FKBP8: variants seen among roughly 807,000 people sequenced by gnomAD.
FKBP8 encodes peptidyl-prolyl cis-trans isomerase FKBP8.
FKBP8 carries 5 observed loss-of-function variants against 41.7 expected under a neutral mutation model. The ratio of observed to expected loss-of-function variants is 0.12; its 90% CI spans 0.06 to 0.25. The LOEUF (loss-of-function observed/expected upper bound fraction) is 0.25, where lower values mean the gene tolerates loss of function less well. Among genes scored for constraint, FKBP8 ranks in the 10% least tolerant of loss-of-function variants. FKBP8 has a pLI of 1.00. For missense variants in FKBP8, 397 were observed against 563.0 expected (o/e 0.71, Z 2.98); for synonymous variants, 279 against 254.5 (o/e 1.10, Z -0.92).
chr19:18,540,569 A>G (rs1407080651), intron 2 of FKBP8, among the ~76,000 whole-genome samples: 2 of 152,158 alleles, frequency 1.3e-5, no homozygotes, highest in Non-Finnish European at 2.9e-5. Context: ...CCCTGTCTCC[A>G]CTAAAAATAC....
At position 18,533,041 on chromosome 19, in the gene FKBP8, G is replaced by C. The variant is rs1479723343; in HGVS notation, c.1023+229C>G. 8.5e-6 allele frequency: 6 copies of C among 707,320 alleles called. No individual in the cohort carries two copies. The African/African-American group carries it at 1.1e-4, about 13-fold the overall frequency. The allele number at this position is 707,320 out of a possible 1,614,324, so 43.8% of individuals were successfully genotyped here. ...TCTGGAAGGAAGGCCAAGGACACTG[G>C]CATGGAGCAGGCTGGCAGTGCCCTC... On this transcript the variant is annotated intron_variant, in intron 7 of 8. Coordinates refer to ENST00000608443, the MANE Select transcript of FKBP8 (RefSeq NM_012181.5).
chr19:18,535,026 C>A (rs1192480492), intron 6 of FKBP8, among the ~76,000 whole-genome samples: 1 of 152,056 alleles, frequency 6.6e-6, no homozygotes, highest in Non-Finnish European at 1.5e-5. Flanking sequence ...CTCAAGTGAT[C>A]CACCTGCCTC....
At chr19:18,540,753 T>A (rs532421375) in intron 2 of FKBP8, among the ~76,000 whole-genome samples, 1 of 152,082 alleles carries the variant, frequency 6.6e-6, no homozygotes, top group South Asian at 2.1e-4. Context: ...GCACCTGTAG[T>A]CCCAGCTACT....
At chr19:18,542,747 G>A in intron 1 of FKBP8, 2 of 444,616 alleles carry the variant, frequency 4.5e-6, no homozygotes, top group Non-Finnish European at 8.1e-6. Flanking sequence ...AGTGGTCGAG[G>A]TCCCACCACA....
chr19:18,537,646 C>A lies in FKBP8; in HGVS notation c.900G>T (p.Leu300=). ...CCTTGATGTTGTCTGGCTGGTGCTCCAGCACAAGGCTGCAGGAGCGCAGGG... is the reference window on the plus strand; with the variant it reads ...CCTTGATGTTGTCTGGCTGGTGCTCAAGCACAAGGCTGCAGGAGCGCAGGG... The part of the protein sequence containing the change: ...RAALRSCSLV[L]EHQPDNIKAL... Residue 300 remains leucine, a synonymous_variant, in exon 6 of 9, where the codon CTG becomes CTT. Coordinates refer to ENST00000608443, the MANE Select transcript of FKBP8 (RefSeq NM_012181.5). This position sits in a 1 kb window ranked among gnomAD's most constrained non-coding sequence, Gnocchi z 4.4. 1 of 1,611,608 alleles carries A rather than the reference C, an allele frequency of 6.2e-7. No individual in the cohort carries two copies.
Position 18,532,004 on chromosome 19 carries a change from C to T in FKBP8, c.*165G>A. 1 of 641,646 alleles carries T rather than the reference C, an allele frequency of 1.6e-6. No individual in the cohort carries two copies. Among genetic ancestry groups the T allele is most frequent in the South Asian group, 1.8e-5 (1 of 54,514 alleles). 39.7% of individuals were successfully genotyped at this position (641,646 alleles called of 1,614,324 possible). On this transcript the variant is annotated 3_prime_UTR_variant, in exon 9 of 9. Coordinates refer to ENST00000608443, the MANE Select transcript of FKBP8 (RefSeq NM_012181.5). ...CCCTCTGGGCTTTCCTCCTAGAGGG[C>T]CTCAGTCCCTCCTGCTGGCTGGGCT...
Position 18,537,871 on chromosome 19 carries a change from C to A in FKBP8, c.773-98G>T, listed in dbSNP as rs1976614870. On this transcript the variant is annotated intron_variant, in intron 5 of 8. Coordinates refer to ENST00000608443, the MANE Select transcript of FKBP8 (RefSeq NM_012181.5). The surrounding 1 kb of genome is among the most constrained non-coding windows in gnomAD (Gnocchi z 4.4). ...GAGGCTGCCTCTCTGGCCTCAGTTT[C>A]CCCAATTTTAACCCCGGACCAAGGG... The A allele has an allele frequency of 4.4e-6, 6 of 1,358,754 alleles. No homozygotes were observed. The highest frequency in any genetic ancestry group is 6.0e-6 in the Non-Finnish European group (6 of 996,568). The allele number at this position is 1,358,754 out of a possible 1,614,324, so 84.2% of individuals were successfully genotyped here. A position where few individuals can be genotyped will look rare whatever the true frequency, so the allele number is the denominator to read the frequency against.
At chr19:18,539,796 T>A in intron 2 of FKBP8, 76 bp from the exon 3 acceptor site, 1 of 1,524,466 alleles carries the variant, frequency 6.6e-7, no homozygotes, top group Non-Finnish European at 8.9e-7. Context: ...CCCCCACTCC[T>A]ACCCTCAGCT....
In FKBP8 at chr19:18,538,809, T is replaced by C. The variant is rs963839594; in HGVS notation, c.552-373A>G. Among the ~76,000 whole-genome samples, 1 of 88,282 alleles carries C rather than the reference T, an allele frequency of 1.1e-5. No homozygotes were observed. Among genetic ancestry groups the C allele is most frequent in the Non-Finnish European group, 1.9e-5 (1 of 51,706 alleles). 57.9% of individuals were successfully genotyped at this position (88,282 alleles called of 152,430 possible). Reference sequence around the variant, plus strand: ...ACTACAGGTGTGCACCACACCCAGCTTTTTTTTTTTTTTTTTTTTTTTTTT... The same window carrying C: ...ACTACAGGTGTGCACCACACCCAGCCTTTTTTTTTTTTTTTTTTTTTTTTT... On this transcript the variant is annotated intron_variant, in intron 4 of 8. Coordinates refer to ENST00000608443, the MANE Select transcript of FKBP8 (RefSeq NM_012181.5). This position sits in a 1 kb window ranked among gnomAD's most constrained non-coding sequence, Gnocchi z 4.0.
intron 6 of FKBP8, among the ~76,000 whole-genome samples, chr19:18,535,468 G>GAGCAA (rs1314955068): frequency 6.6e-6 from 1 of 152,062 alleles, no homozygotes; most frequent in Non-Finnish European, 1.5e-5. Flanking sequence ...ATGGGAGATG[G>GAGCAA]GTTGCTAAGG....
rs1404448556 is a variant in FKBP8, at chr19:18,541,904, C to T, written c.67G>A (p.Asp23Asn). 1.4e-5 allele frequency: 23 copies of T among 1,614,092 alleles called. No individual in the cohort carries two copies. The highest frequency in any genetic ancestry group is 1.9e-5 in the Non-Finnish European group (23 of 1,179,994). The change falls in exon 2 of 9, where the codon GAC (aspartate) becomes AAC (asparagine). Residue 23 changes from aspartate (D) to asparagine (N), a missense_variant. Physicochemically the swap from Asp to Asn is conservative, Grantham distance 23 (BLOSUM62 1). Around this residue, in one of 2 missense-constraint regions of FKBP8, gnomAD observed 172 missense variants for 196.2 expected, o/e 0.88. Coordinates refer to ENST00000608443, the MANE Select transcript of FKBP8 (RefSeq NM_012181.5). ...TCAACCCCATCCAGTACCTCGAAGT[C>T]CTCGAGCGGTGGGACCCCGGCGGGC... ...PLPAGVPPLE[D>N]FEVLDGVEDA...
Position 18,539,407 on chromosome 19 carries a change from G to A in FKBP8, c.515C>T (p.Thr172Ile), listed in dbSNP as rs765242501. 1 of 1,613,626 alleles carries A rather than the reference G, an allele frequency of 6.2e-7. No individual in the cohort carries two copies. Among genetic ancestry groups the A allele is most frequent in the Non-Finnish European group, 8.5e-7 (1 of 1,180,014 alleles). The change falls in exon 4 of 9, where the codon ACT becomes ATT. Residue 172 changes from threonine (T) to isoleucine (I), a missense_variant. Around this residue, in one of 2 missense-constraint regions of FKBP8, gnomAD observed 225 missense variants for 366.8 expected, o/e 0.61. Transcript: ENST00000608443. ...LMDVGETAMV[T>I]ADSKYCYGPQ... ...GCCGTAGCAGTACTTGGAGTCAGCAGTGACCATGGCCGTCTCCCCCACGTC... is the reference window on the plus strand; with the variant it reads ...GCCGTAGCAGTACTTGGAGTCAGCAATGACCATGGCCGTCTCCCCCACGTC...
Position 18,538,411 on chromosome 19 carries a change from C to T in FKBP8, c.577G>A (p.Ala193Thr), listed in dbSNP as rs769103996. 1.4e-5 allele frequency: 23 copies of T among 1,612,640 alleles called. No homozygotes were observed. The highest frequency in any genetic ancestry group is 1.3e-4 in the East Asian group (6 of 44,882). Residue 193 changes from alanine to threonine, a missense_variant, in exon 5 of 9, where the codon GCG becomes ACG. Physicochemically the swap from Ala to Thr is moderately conservative, Grantham distance 58. Transcript: ENST00000608443. This position sits in a 1 kb window ranked among gnomAD's most constrained non-coding sequence, Gnocchi z 4.0. ...GSRSPYIPPHAALCLEVTLKT... is the reference protein window; with the variant it reads ...GSRSPYIPPHTALCLEVTLKT... ...AGGGTCACCTCCAGGCACAGGGCCGCGTGCGGGGGGATGTATGGGCTCCTG... is the reference window on the plus strand; with the variant it reads ...AGGGTCACCTCCAGGCACAGGGCCGTGTGCGGGGGGATGTATGGGCTCCTG...
Position 18,538,079 on chromosome 19 carries a change from G to A in FKBP8, c.772+137C>T. On this transcript the variant is annotated intron_variant, in intron 5 of 8. Coordinates refer to ENST00000608443, the MANE Select transcript of FKBP8 (RefSeq NM_012181.5). This position sits in a 1 kb window ranked among gnomAD's most constrained non-coding sequence, Gnocchi z 4.0. ...CGAGTCTGTAACAGGCCCTAGCTTA[G>A]GGGCAGTTGGGGATCTACCCATATT... 3.2e-6 allele frequency: 3 copies of A among 945,610 alleles called. No individual in the cohort carries two copies. Among genetic ancestry groups the A allele is most frequent in the South Asian group, 3.2e-5 (2 of 62,420 alleles). The allele number at this position is 945,610 out of a possible 1,614,324, so 58.6% of individuals were successfully genotyped here.
intron 8 of FKBP8, 87 bp from the exon 9 acceptor site, chr19:18,532,342 C>A (rs1976467494): frequency 8.0e-7 from 1 of 1,255,984 alleles, no homozygotes; most frequent in Non-Finnish European, 1.1e-6. Flanking sequence ...CCCAAACAGA[C>A]CTCCCAACAA....
At chr19:18,534,982 A>G (rs916600682) in intron 6 of FKBP8, among the ~76,000 whole-genome samples, 27 of 151,792 alleles carry the variant, frequency 1.8e-4, no homozygotes, top group South Asian at 8.3e-4. Flanking sequence ...ACAGGGTTTT[A>G]CCATGTTGGC....
rs1455979382 is a variant in FKBP8, at chr19:18,538,038, G to A, written c.772+178C>T. The A allele has an allele frequency of 1.4e-6, 1 of 733,346 alleles. No individual in the cohort carries two copies. The highest frequency in any genetic ancestry group is 1.8e-5 in the African/African-American group (1 of 56,390). 45.4% of individuals were successfully genotyped at this position (733,346 alleles called of 1,614,324 possible). A position where few individuals can be genotyped will look rare whatever the true frequency, so the allele number is the denominator to read the frequency against. On this transcript the variant is annotated intron_variant, in intron 5 of 8. Transcript: ENST00000608443. This position sits in a 1 kb window ranked among gnomAD's most constrained non-coding sequence, Gnocchi z 4.0. ...CACTTGCATTCTACAACACTCCACT[G>A]GTCTGGGATATACCACGAGTCTGTA...
At chr19:18,541,143 A>G (rs1298796039) in intron 2 of FKBP8, among the ~76,000 whole-genome samples, 1 of 151,786 alleles carries the variant, frequency 6.6e-6, no homozygotes, top group Non-Finnish European at 1.5e-5. Flanking sequence ...TGGGGGGAAC[A>G]TGTGGGGGCT....
Position 18,538,520 on chromosome 19 carries a change from G to T in FKBP8, c.552-84C>A. 8.5e-7 allele frequency: 1 copy of T among 1,175,030 alleles called. No homozygotes were observed. Among genetic ancestry groups the T allele is most frequent in the Non-Finnish European group, 1.2e-6 (1 of 837,334 alleles). The allele number at this position is 1,175,030 out of a possible 1,614,324, so 72.8% of individuals were successfully genotyped here. A position where few individuals can be genotyped will look rare whatever the true frequency, so the allele number is the denominator to read the frequency against. The stretch of plus-strand genomic sequence containing the variant: ...GGGCTGGCTAGGAAGGAGTGAGCTT[G>T]GCTCAAGCCCCCGATCTGTCTCCCC... On this transcript the variant is annotated intron_variant, in intron 4 of 8. Transcript: ENST00000608443. This position sits in a 1 kb window ranked among gnomAD's most constrained non-coding sequence, Gnocchi z 4.0.
Sources: allele counts gnomAD v4.1 joint callset (sites outside exome capture counted in the v4.1 genomes callset), GRCh38; gene constraint gnomAD v4.1.1; regional missense constraint gnomAD v4.1.1; non-coding constraint Gnocchi (gnomAD v3.1); transcripts MANE v1.5; gene names NCBI Gene and HGNC (gene_info 2026-07-23, HGNC 2026-07-21).